The following TMCO5A variants were observed in gnomAD, a reference collection of about 807,000 sequenced individuals.
The protein encoded by TMCO5A is transmembrane and coiled-coil domain-containing protein 5A.
TMCO5A carries 34 observed loss-of-function variants against 42.3 expected under a neutral mutation model. The observed-to-expected ratio is 0.80, with a 90% CI of 0.61 to 1.07. The LOEUF is 1.07. Among genes scored for constraint, TMCO5A ranks in the 50% least tolerant of loss-of-function variants. The probability of loss-of-function intolerance (pLI) is 0.00; values close to 1 mark genes in which losing one functional copy is unlikely to be tolerated. For missense variants in TMCO5A, 357 were observed against 327.9 expected, an observed-to-expected ratio of 1.09 and a Z score of -0.69; for synonymous variants, 131 against 115.6, an observed-to-expected ratio of 1.13 and a Z score of -0.86.
the TMCO5A span, among the ~76,000 whole-genome samples, chr15:38,036,172 C>G: frequency 6.6e-6 from 1 of 152,126 alleles, no homozygotes; most frequent in Non-Finnish European, 1.5e-5. Flanking sequence ...AGTTTAAGTT[C>G]CAGCTCAATT....
chr15:37,974,863 T>G, the TMCO5A span, among the ~76,000 whole-genome samples: 1 of 152,188 alleles, frequency 6.6e-6, no homozygotes, highest in Non-Finnish European at 1.5e-5. Context: ...TCTTTCTATT[T>G]GATGTGGGCA....
At chr15:38,037,442 GGAATTATGATTGTA>G in the TMCO5A span, among the ~76,000 whole-genome samples, 4 of 152,194 alleles carry the variant, frequency 2.6e-5, no homozygotes, top group Non-Finnish European at 5.9e-5. Flanking sequence ...TGAAGCATTT[GGAATTATGATTGTA>G]GAACCAAGGG....
At chr15:37,980,518 C>A in the TMCO5A span, among the ~76,000 whole-genome samples, 2 of 152,008 alleles carry the variant, frequency 1.3e-5, no homozygotes, top group African/African-American at 4.8e-5. Context: ...CCCGATGAAT[C>A]CCAACTTGTC....
the TMCO5A span, among the ~76,000 whole-genome samples, chr15:37,989,396 G>A: frequency 6.6e-6 from 1 of 151,814 alleles, no homozygotes; most frequent in Non-Finnish European, 1.5e-5. Context: ...ATACATTTAA[G>A]TAGTTTATTT....
the TMCO5A span, among the ~76,000 whole-genome samples, chr15:38,038,442 T>C: frequency 6.6e-6 from 1 of 151,580 alleles, no homozygotes; most frequent in African/African-American, 2.4e-5. Context: ...TCTCGCTTTG[T>C]CGCCCAGGCT....
At chr15:37,972,465 A>C (rs1371647271), downstream of TMCO5A, among the ~76,000 whole-genome samples, 2 of 152,168 alleles carry the variant, frequency 1.3e-5, no homozygotes, top group Non-Finnish European at 2.9e-5. Flanking sequence ...TGAGTTTTTA[A>C]TAATAGCCAT....
chr15:37,957,634 A>T (rs1890324039), intron 11 of TMCO5A, among the ~76,000 whole-genome samples: 1 of 152,228 alleles, frequency 6.6e-6, no homozygotes, highest in African/African-American at 2.4e-5. Context: ...ATGGATAGGA[A>T]TAATCAATGT....
chr15:37,938,228 A>T lies in TMCO5A; in HGVS notation c.386A>T (p.Lys129Met). The stretch of plus-strand genomic sequence containing the variant: ...CCAGATGGAGCCCTAGAAGAGACAA[A>T]GGTAAATGAAAAAAACAATCCTAAA... ...SSPDGALEET[K>M]VKLQQLEASY... Residue 129 changes from lysine (K) to methionine (M), a missense_variant and splice_region_variant, in exon 6 of 12, where the codon AAG (lysine) becomes ATG (methionine). By Grantham distance (95) the Lys-to-Met change is moderately conservative. Coordinates refer to ENST00000319669, the MANE Select transcript of TMCO5A (RefSeq NM_152453.4). 1 of 1,549,068 alleles carries T rather than the reference A, an allele frequency of 6.5e-7. No individual in the cohort carries two copies. The highest frequency in any genetic ancestry group is 1.7e-5 in the African/African-American group (1 of 60,282).
At chr15:38,027,700 A>C in the TMCO5A span, among the ~76,000 whole-genome samples, 4 of 152,178 alleles carry the variant, frequency 2.6e-5, no homozygotes, top group Non-Finnish European at 5.9e-5. Context: ...CTTGAATTTT[A>C]ATAATCCCCA....
chr15:37,935,987 A>T (rs1257272224), intron 2 of TMCO5A: 1 of 174,526 alleles, frequency 5.7e-6, no homozygotes, highest in African/African-American at 2.4e-5. Context: ...TTTATCTAAG[A>T]AAAGATTGCC....
At chr15:37,973,705 T>C in the TMCO5A span, among the ~76,000 whole-genome samples, 2 of 152,214 alleles carry the variant, frequency 1.3e-5, no homozygotes, top group Admixed American at 6.5e-5. Flanking sequence ...AATTATTTTG[T>C]CTACAAAAGG....
chr15:37,987,067 TAC>T, the TMCO5A span, among the ~76,000 whole-genome samples: 1 of 152,046 alleles, frequency 6.6e-6, no homozygotes, highest in Non-Finnish European at 1.5e-5. Flanking sequence ...TTCATCAACA[TAC>T]ATTTTTTGTA....
the TMCO5A span, among the ~76,000 whole-genome samples, chr15:37,981,258 T>C: frequency 7.6e-6 from 1 of 132,016 alleles, no homozygotes; most frequent in South Asian, 2.4e-4. Context: ...GCCAGCAGAA[T>C]AGTTTTGCCA....
the TMCO5A span, among the ~76,000 whole-genome samples, chr15:37,981,155 A>T: frequency 6.8e-6 from 1 of 147,462 alleles, no homozygotes; most frequent in South Asian, 2.2e-4. Context: ...GCTGAAGGTG[A>T]GAATACAAAG....
chr15:38,040,255 G>C, the TMCO5A span: 1 of 152,228 alleles, frequency 6.6e-6, no homozygotes, highest in East Asian at 1.9e-4. Flanking sequence ...AACATCAGGA[G>C]GCTGGGACAA....
the TMCO5A span, among the ~76,000 whole-genome samples, chr15:37,994,172 A>G: frequency 6.6e-6 from 1 of 152,218 alleles, no homozygotes; most frequent in Non-Finnish European, 1.5e-5. Flanking sequence ...AGGTGAGGGA[A>G]GTAATACAGT....
At chr15:38,007,593 C>T in the TMCO5A span, among the ~76,000 whole-genome samples, 1 of 152,252 alleles carries the variant, frequency 6.6e-6, no homozygotes, top group Non-Finnish European at 1.5e-5. Context: ...AACACACTCT[C>T]AAAGACTTGA....
the TMCO5A span, among the ~76,000 whole-genome samples, chr15:38,001,201 T>G: frequency 5.9e-5 from 9 of 152,036 alleles, no homozygotes; most frequent in Non-Finnish European, 1.5e-5. Context: ...GCATATACAT[T>G]TAAAATTCTT....
chr15:38,037,999 T>A, the TMCO5A span, among the ~76,000 whole-genome samples: 1 of 148,952 alleles, frequency 6.7e-6, no homozygotes, highest in Non-Finnish European at 1.5e-5. Flanking sequence ...GGCAACAGAG[T>A]GAGACTCCGT....
Sources: allele counts gnomAD v4.1 joint callset (sites outside exome capture counted in the v4.1 genomes callset), GRCh38; gene constraint gnomAD v4.1.1; transcripts MANE v1.5; gene names NCBI Gene and HGNC (gene_info 2026-07-23, HGNC 2026-07-21).